MYOM2: variants seen among roughly 807,000 people sequenced by gnomAD.
MYOM2 encodes myomesin 2, also known as myomesin-2.
MYOM2 carries 254 observed loss-of-function variants against 187.6 expected under a neutral mutation model. The ratio of observed to expected loss-of-function variants is 1.35; its 90% CI spans 1.22 to 1.50. MYOM2 has a LOEUF of 1.50. Ranked by LOEUF, MYOM2 falls within the 40% of genes most tolerant of loss-of-function variation. The pLI is 0.00. For synonymous variants in MYOM2, 981 were observed against 753.8 expected, an observed-to-expected ratio of 1.30 and a Z score of -4.94; for missense variants, 2,796 against 1,924.0, an observed-to-expected ratio of 1.45 and a Z score of -8.48.
intron 32 of MYOM2, among the ~76,000 whole-genome samples, chr8:2,135,081 G>A (rs941551938): frequency 6.6e-6 from 1 of 152,120 alleles, no homozygotes. Flanking sequence ...CTTCATTCAA[G>A]CCTTGTTCCT....
rs999093169 is a variant in MYOM2 at position 2,052,144 on chromosome 8, C to A, written c.108-14C>A. The A allele has an allele frequency of 1.9e-6, 3 of 1,612,892 alleles. No homozygotes were observed. The Admixed American group carries it at 5.0e-5, about 27-fold the overall frequency. ...CTGAGCATGCATCTCCTAATCGTGTCCATGTTCCTGAAGGCGAGCTTCCAC... is the reference window on the plus strand; with the variant it reads ...CTGAGCATGCATCTCCTAATCGTGTACATGTTCCTGAAGGCGAGCTTCCAC... On this transcript the variant is annotated splice_polypyrimidine_tract_variant and intron_variant, in intron 2 of 36. Transcript: ENST00000262113.
At chr8:2,086,672 T>G (rs746688878) in intron 14 of MYOM2, among the ~76,000 whole-genome samples, 1 of 152,254 alleles carries the variant, frequency 6.6e-6, no homozygotes, top group Non-Finnish European at 1.5e-5. Context: ...GGTTGCGTCC[T>G]AGCTGGGCGT....
At chr8:2,064,087 C>T (rs1054595987) in intron 6 of MYOM2, among the ~76,000 whole-genome samples, 5 of 152,214 alleles carry the variant, frequency 3.3e-5, no homozygotes, top group Non-Finnish European at 5.9e-5. Context: ...GCCTCCAAAT[C>T]CCAAGTGGAC....
intron 6 of MYOM2, among the ~76,000 whole-genome samples, chr8:2,065,977 G>A (rs1190836486): frequency 6.6e-6 from 1 of 152,210 alleles, no homozygotes; most frequent in African/African-American, 2.4e-5. Context: ...CGCTGTTGAT[G>A]TTACTTAACA....
At chr8:2,091,016 CTTTTTT>C (rs35873643) in intron 15 of MYOM2, among the ~76,000 whole-genome samples, 1 of 86,526 alleles carries the variant, frequency 1.2e-5, no homozygotes, top group East Asian at 4.2e-4. Flanking sequence ...AATGATAGTT[CTTTTTT>C]TTTTTTTTTT....
intron 15 of MYOM2, among the ~76,000 whole-genome samples, chr8:2,092,096 G>T (rs566051859): frequency 6.6e-6 from 1 of 152,014 alleles, no homozygotes; most frequent in South Asian, 2.1e-4. Context: ...GGAGGATTCA[G>T]GATGGATGTC....
rs1344140786 is a variant in MYOM2 at position 2,069,333 on chromosome 8, C to T, written c.709C>T (p.Gln237Ter). 1 of 1,613,984 alleles carries T rather than the reference C, an allele frequency of 6.2e-7. No individual in the cohort carries two copies. The highest frequency in any genetic ancestry group is 1.1e-5 in the South Asian group (1 of 91,082). Residue 237 changes from glutamine (Q) to a stop codon, truncating the protein, a stop_gained, in exon 7 of 37, where the codon CAA (glutamine) becomes TAA (stop). Coordinates refer to ENST00000262113, the MANE Select transcript of MYOM2 (RefSeq NM_003970.4). LOFTEE classifies it high-confidence loss of function. ...YSAVATNAHG[Q>*]VSTNAAVVVR... ...AGCAGTGGCCACCAATGCCCACGGA[C>T]AAGTGTCCACCAACGCGGCGGTGGT...
Position 2,116,015 on chromosome 8 carries a change from G to A in MYOM2, c.3236G>A (p.Arg1079Gln), listed in dbSNP as rs201298942. 3.0e-5 allele frequency: 48 copies of A among 1,613,804 alleles called. No homozygotes were observed. The highest frequency in any genetic ancestry group is 3.3e-4 in the Middle Eastern group (2 of 6,062). The change falls in exon 26 of 37, where the codon CGA (arginine) becomes CAA (glutamine). Residue 1079 changes from arginine (R) to glutamine (Q), a missense_variant. Coordinates refer to ENST00000262113, the MANE Select transcript of MYOM2 (RefSeq NM_003970.4). ...GGCATTATTGAGATGGTGATGGATC[G>A]ATTTAGTATTGAAAATGAGGGGACC... is the stretch of plus-strand genomic sequence containing the variant. ...ATGIIEMVMD[R>Q]FSIENEGTYT...
At chr8:2,099,445 T>A (rs577363785) in intron 19 of MYOM2, among the ~76,000 whole-genome samples, 1 of 151,540 alleles carries the variant, frequency 6.6e-6, no homozygotes, top group South Asian at 2.1e-4. Context: ...TCTCAGGCCA[T>A]CTGGGGATCT....
intron 13 of MYOM2, among the ~76,000 whole-genome samples, chr8:2,083,777 C>G (rs1448073199): frequency 6.6e-6 from 1 of 152,198 alleles, no homozygotes; most frequent in African/African-American, 2.4e-5. Flanking sequence ...ATCACATTGC[C>G]CAGGCTGATG....
At chr8:2,076,315 C>A (rs77157834) in intron 11 of MYOM2, 33 bp downstream of exon 11, 18 of 1,607,716 alleles carry the variant, frequency 1.1e-5, no homozygotes, top group Non-Finnish European at 1.4e-5. Context: ...GGGATGGGAA[C>A]GTTCCGCATG....
chr8:2,079,573 G>C lies in MYOM2; in HGVS notation c.1476G>C (p.Glu492Asp). Residue 492 changes from glutamate (E) to aspartate (D), a missense_variant, in exon 13 of 37, where the codon GAG becomes GAC. Transcript: ENST00000262113. ...DLRRLQAVHL[E>D]GEKEIAIYQD... is the part of the protein sequence containing the mutation. Reference sequence around the variant, plus strand: ...TTCTCTCCGCAGCCGTTCATTTGGAGGGAGAGAAGGAGATTGCCATTTATC... The same window carrying C: ...TTCTCTCCGCAGCCGTTCATTTGGACGGAGAGAAGGAGATTGCCATTTATC... 2 of 1,614,170 alleles carry C rather than the reference G, an allele frequency of 1.2e-6. No individual in the cohort carries two copies. The highest frequency in any genetic ancestry group is 1.7e-6 in the Non-Finnish European group (2 of 1,180,032).
intron 25 of MYOM2, among the ~76,000 whole-genome samples, chr8:2,113,967 C>T (rs935577083): frequency 1.4e-4 from 22 of 152,214 alleles, no homozygotes; most frequent in East Asian, 9.7e-4. Flanking sequence ...GACAGACAGA[C>T]GGCAGGTGGA....
chr8:2,104,377 C>T (rs938340535), intron 21 of MYOM2, among the ~76,000 whole-genome samples: 10 of 151,970 alleles, frequency 6.6e-5, no homozygotes, highest in African/African-American at 2.2e-4. Flanking sequence ...CCGAGGCGGG[C>T]GGATCACGAG....
chr8:2,073,798 T>C (rs536717456), intron 10 of MYOM2, among the ~76,000 whole-genome samples: 1 of 152,262 alleles, frequency 6.6e-6, no homozygotes, highest in East Asian at 1.9e-4. Context: ...CAAGAGTGAG[T>C]GCCCCAGATT....
chr8:2,137,676 C>G (rs1465591030), intron 32 of MYOM2, among the ~76,000 whole-genome samples: 2 of 152,122 alleles, frequency 1.3e-5, no homozygotes, highest in African/African-American at 4.8e-5. Flanking sequence ...GTTTTTCTGA[C>G]TCTCAACAGA....
At chr8:2,131,187 G>T (rs1032426556) in intron 32 of MYOM2, among the ~76,000 whole-genome samples, 3 of 152,116 alleles carry the variant, frequency 2.0e-5, no homozygotes, top group Admixed American at 2.0e-4. Context: ...GTAGATGTAG[G>T]TCATGTTAGT....
chr8:2,049,351 C>T (rs1818409586), intron 1 of MYOM2, among the ~76,000 whole-genome samples: 1 of 152,158 alleles, frequency 6.6e-6, no homozygotes, highest in African/African-American at 2.4e-5. Flanking sequence ...CTGTTTTCTT[C>T]CCTGTAGAAT....
At chr8:2,092,056 G>C (rs1796320845) in intron 15 of MYOM2, among the ~76,000 whole-genome samples, 1 of 120,036 alleles carries the variant, frequency 8.3e-6, no homozygotes, top group African/African-American at 3.0e-5. Flanking sequence ...TGCCAACAGA[G>C]AGTCTTTTAA....
Sources: gnomAD v4.1 joint callset for allele counts (sites outside exome capture counted in the v4.1 genomes callset) on GRCh38, gnomAD v4.1.1 for gene constraint, MANE v1.5 for transcripts, NCBI Gene and HGNC (gene_info 2026-07-23, HGNC 2026-07-21) for gene names.